Variants in ADK observed in about 807,000 individuals in gnomAD.
ADK encodes the protein adenosine kinase.
A neutral mutation model predicts 44.7 loss-of-function variants in ADK; 24 were observed. The ratio of observed to expected loss-of-function variants is 0.54; its 90% CI spans 0.39 to 0.76. The LOEUF (loss-of-function observed/expected upper bound fraction) is 0.76, where lower values mean the gene tolerates loss of function less well. ADK is among the 30% of genes least tolerant of loss of function. The pLI, the probability that ADK is intolerant of heterozygous loss-of-function variation, is 0.00. For missense variants in ADK, 321 were observed against 425.1 expected (o/e 0.76, Z 2.15); for synonymous variants, 128 against 142.6 (o/e 0.90, Z 0.73).
intron 7 of ADK, among the ~76,000 whole-genome samples, chr10:74,543,185 C>T (rs150255573): frequency 1.6e-3 from 249 of 151,546 alleles, no homozygotes; most frequent in African/African-American, 5.9e-3. Context: ...CAGGCGTGAG[C>T]CACAGCGCCT....
chr10:74,255,297 C>G (rs886210567), intron 3 of ADK, among the ~76,000 whole-genome samples: 8 of 151,968 alleles, frequency 5.3e-5, no homozygotes, highest in Non-Finnish European at 1.2e-4. Context: ...TTGGTTGTTT[C>G]CAGGTGGTTG....
At chr10:74,232,010 C>T (rs779584317) in intron 3 of ADK, among the ~76,000 whole-genome samples, 5 of 150,840 alleles carry the variant, frequency 3.3e-5, no homozygotes, top group Non-Finnish European at 5.9e-5. Flanking sequence ...AGGTTACTTC[C>T]GTAAGGATCC....
chr10:74,361,644 T>C (rs1401496124), intron 4 of ADK, among the ~76,000 whole-genome samples: 1 of 152,260 alleles, frequency 6.6e-6, no homozygotes, highest in African/African-American at 2.4e-5. Flanking sequence ...TTACTACAGA[T>C]ATTAGTGTTT....
At chr10:74,329,389 ACT>A (rs1164348547) in intron 4 of ADK, among the ~76,000 whole-genome samples, 1 of 152,128 alleles carries the variant, frequency 6.6e-6, no homozygotes, top group Non-Finnish European at 1.5e-5. Flanking sequence ...CTGTCACCAA[ACT>A]CTGTCTCATT....
At chr10:74,533,575 C>T (rs1849362232) in intron 7 of ADK, among the ~76,000 whole-genome samples, 1 of 152,184 alleles carries the variant, frequency 6.6e-6, no homozygotes, top group Admixed American at 6.5e-5. Flanking sequence ...ATATCCATAT[C>T]TAAAAACGCA....
intron 3 of ADK, among the ~76,000 whole-genome samples, chr10:74,244,459 A>G (rs1364790748): frequency 6.6e-6 from 1 of 152,222 alleles, no homozygotes; most frequent in Non-Finnish European, 1.5e-5. Context: ...TATCTTGATA[A>G]AGGTAAAGAT....
intron 9 of ADK, among the ~76,000 whole-genome samples, chr10:74,629,233 T>C (rs997311462): frequency 6.6e-6 from 1 of 152,160 alleles, no homozygotes. Flanking sequence ...TCTTGCTGTG[T>C]TGTCCAGGCT....
chr10:74,367,196 A>C (rs1842523350), intron 4 of ADK, among the ~76,000 whole-genome samples: 1 of 152,096 alleles, frequency 6.6e-6, no homozygotes, highest in Non-Finnish European at 1.5e-5. Flanking sequence ...ACACTCAGAA[A>C]ATGTATAGCA....
At position 74,292,960 on chromosome 10, in the gene ADK, T is replaced by A. The variant is rs140910362; in HGVS notation, c.195-21707T>A. 1.1e-3 allele frequency among the ~76,000 whole-genome samples: 165 copies of A among 151,534 alleles called. 1 individual carries two copies. The highest frequency in any genetic ancestry group is 9.5e-3 in the Admixed American group (144 of 15,230). On this transcript the variant is annotated intron_variant, in intron 3 of 10. Coordinates refer to ENST00000539909, the MANE Select transcript of ADK (RefSeq NM_006721.4). ...GACACTCTAATAAAAATGAGAAAGGTTTAAAAATAGTAAAGATAGGAAGCC... is the reference window on the plus strand; with the variant it reads ...GACACTCTAATAAAAATGAGAAAGGATTAAAAATAGTAAAGATAGGAAGCC...
At chr10:74,329,646 G>A (rs552989405) in intron 4 of ADK, among the ~76,000 whole-genome samples, 71 of 152,308 alleles carry the variant, frequency 4.7e-4, no homozygotes, top group African/African-American at 1.6e-3. Context: ...GTTTTAGAAC[G>A]AGTAGCTGGT....
At chr10:74,705,619 G>A (rs1255118994) in intron 10 of ADK, among the ~76,000 whole-genome samples, 1 of 152,186 alleles carries the variant, frequency 6.6e-6, no homozygotes, top group Non-Finnish European at 1.5e-5. Context: ...ACAAGTCTTT[G>A]TGTGGATATG....
chr10:74,266,881 T>C (rs1216989780), intron 3 of ADK, among the ~76,000 whole-genome samples: 2 of 152,378 alleles, frequency 1.3e-5, no homozygotes, highest in East Asian at 3.9e-4. Flanking sequence ...TAATAAGCTT[T>C]AGTGGCCTTT....
chr10:74,389,393 A>T (rs1843262402), intron 4 of ADK, among the ~76,000 whole-genome samples: 1 of 152,208 alleles, frequency 6.6e-6, no homozygotes, highest in South Asian at 2.1e-4. Flanking sequence ...TAGGAAATAG[A>T]TTAGTTGGAT....
chr10:74,686,065 T>TA (rs1321790425), intron 10 of ADK, among the ~76,000 whole-genome samples: 1 of 152,002 alleles, frequency 6.6e-6, no homozygotes, highest in Non-Finnish European at 1.5e-5. Context: ...GGGTTCACGC[T>TA]ATTCTCCTTC....
chr10:74,189,549 A>G (rs1842888751), intron 1 of ADK, among the ~76,000 whole-genome samples: 1 of 152,236 alleles, frequency 6.6e-6, no homozygotes, highest in African/African-American at 2.4e-5. Context: ...TCTATAATTT[A>G]TCAATTAGGT....
intron 3 of ADK, among the ~76,000 whole-genome samples, chr10:74,262,324 A>AC (rs1846066767): frequency 6.6e-6 from 1 of 151,894 alleles, no homozygotes; most frequent in African/African-American, 2.4e-5. Context: ...AAAAAAAAAA[A>AC]AAAAAACAAA....
intron 1 of ADK, among the ~76,000 whole-genome samples, chr10:74,171,421 G>C (rs941503886): frequency 6.6e-6 from 1 of 152,054 alleles, no homozygotes; most frequent in African/African-American, 2.4e-5. Flanking sequence ...TATTATTTTG[G>C]GGCTTGAAGC....
intron 3 of ADK, among the ~76,000 whole-genome samples, chr10:74,236,198 T>C (rs931822194): frequency 6.6e-6 from 1 of 152,216 alleles, no homozygotes; most frequent in Non-Finnish European, 1.5e-5. Flanking sequence ...AGAGGAAATA[T>C]GATTGACTTG....
At chr10:74,175,487 A>C (rs1438557239) in intron 1 of ADK, among the ~76,000 whole-genome samples, 2 of 152,262 alleles carry the variant, frequency 1.3e-5, no homozygotes, top group Admixed American at 1.3e-4. Context: ...AAATAAATTA[A>C]AAATTAAGTT....
Sources: allele counts gnomAD v4.1 joint callset (sites outside exome capture counted in the v4.1 genomes callset), GRCh38; gene constraint gnomAD v4.1.1; transcripts MANE v1.5; gene names NCBI Gene and HGNC (gene_info 2026-07-23, HGNC 2026-07-21).